NELL2: variants seen among roughly 807,000 people sequenced by gnomAD.
NELL2 encodes the protein protein kinase C-binding protein NELL2.
In NELL2, 41 loss-of-function variants were observed where a neutral mutation model predicts 109.6. The ratio of observed to expected loss-of-function variants is 0.37; its 90% CI spans 0.29 to 0.49. NELL2 has a LOEUF of 0.49. Among genes scored for constraint, NELL2 ranks in the 20% least tolerant of loss-of-function variants. The pLI is 0.98. For synonymous variants in NELL2, 355 were observed against 344.7 expected (o/e 1.03, Z -0.33); for missense variants, 900 against 1,008.3 (o/e 0.89, Z 1.45).
chr12:44,712,531 G>T (rs1391479799), intron 10 of NELL2, among the ~76,000 whole-genome samples: 1 of 151,962 alleles, frequency 6.6e-6, no homozygotes, highest in Admixed American at 6.6e-5. Context: ...GACAATAAAA[G>T]AACAAACAGG....
intron 9 of NELL2, among the ~76,000 whole-genome samples, chr12:44,719,059 C>T (rs1938633482): frequency 6.6e-6 from 1 of 152,108 alleles, no homozygotes; most frequent in South Asian, 2.1e-4. Flanking sequence ...TAGTCACTAG[C>T]ATCATAATTA....
intron 13 of NELL2, among the ~76,000 whole-genome samples, chr12:44,629,329 C>T (rs1339398529): frequency 3.3e-5 from 5 of 152,012 alleles, no homozygotes; most frequent in Admixed American, 6.6e-5. Context: ...AAACATTTTT[C>T]CTATTGATAG....
intron 15 of NELL2, among the ~76,000 whole-genome samples, chr12:44,587,284 AATAT>A (rs1555180982): frequency 1.4e-5 from 1 of 72,214 alleles, no homozygotes; most frequent in African/African-American, 5.1e-5. Flanking sequence ...AAAAAAAAAA[AATAT>A]ATATATATAT....
intron 15 of NELL2, among the ~76,000 whole-genome samples, chr12:44,541,543 G>A (rs1942572175): frequency 6.6e-6 from 1 of 151,896 alleles, no homozygotes; most frequent in Non-Finnish European, 1.5e-5. Flanking sequence ...AAAAGCAAAA[G>A]CAAACAAAGC....
chr12:44,716,768 C>T (rs1174159778), intron 9 of NELL2, among the ~76,000 whole-genome samples: 2 of 151,734 alleles, frequency 1.3e-5, no homozygotes, highest in Non-Finnish European at 2.9e-5. Context: ...CAAGTCCAAG[C>T]GTATGTGGAA....
chr12:44,920,096 A>G (rs1429225655), intron 1 of NELL2, among the ~76,000 whole-genome samples: 1 of 152,218 alleles, frequency 6.6e-6, no homozygotes, highest in Non-Finnish European at 1.5e-5. Context: ...AGAGAAAAAA[A>G]GAATAATTTG....
At chr12:44,853,859 CCAAA>C (rs1944599847) in intron 2 of NELL2, among the ~76,000 whole-genome samples, 1 of 152,154 alleles carries the variant, frequency 6.6e-6, no homozygotes, top group Non-Finnish European at 1.5e-5. Context: ...ATGTCCTCCT[CCAAA>C]CAAAGTCAAC....
intron 15 of NELL2, among the ~76,000 whole-genome samples, chr12:44,586,057 T>C (rs1250969058): frequency 1.3e-5 from 2 of 151,850 alleles, no homozygotes; most frequent in Non-Finnish European, 2.9e-5. Flanking sequence ...TATTTACTAC[T>C]TACTACAAGA....
chr12:44,674,091 T>C (rs1156657092), intron 12 of NELL2, among the ~76,000 whole-genome samples: 1 of 152,100 alleles, frequency 6.6e-6, no homozygotes, highest in Non-Finnish European at 1.5e-5. Flanking sequence ...AACAGAAACA[T>C]ATACATTGTG....
intron 1 of NELL2, among the ~76,000 whole-genome samples, chr12:44,900,142 G>T (rs1288907782): frequency 6.6e-6 from 1 of 152,114 alleles, no homozygotes; most frequent in Non-Finnish European, 1.5e-5. Context: ...AAGAGACTTA[G>T]ACTCCCACAC....
intron 9 of NELL2, among the ~76,000 whole-genome samples, chr12:44,745,339 A>G (rs1940275126): frequency 6.6e-6 from 1 of 152,190 alleles, no homozygotes; most frequent in African/African-American, 2.4e-5. Context: ...CCCACAGCCA[A>G]TATCATACTG....
At chr12:44,569,295 T>A (rs2136193199) in intron 15 of NELL2, among the ~76,000 whole-genome samples, 1 of 152,294 alleles carries the variant, frequency 6.6e-6, no homozygotes, top group African/African-American at 2.4e-5. Flanking sequence ...AATGAGTATT[T>A]AGGTTGATTC....
chr12:44,872,194 A>T (rs1401360381), intron 2 of NELL2, among the ~76,000 whole-genome samples: 1 of 152,096 alleles, frequency 6.6e-6, no homozygotes, highest in Non-Finnish European at 1.5e-5. Flanking sequence ...CACTCCTCTA[A>T]TTTTTAAAAG....
chr12:44,540,414 C>G (rs1942500780), intron 15 of NELL2, among the ~76,000 whole-genome samples: 1 of 152,036 alleles, frequency 6.6e-6, no homozygotes, highest in Non-Finnish European at 1.5e-5. Context: ...TGGCTGATTA[C>G]TAATAATTAT....
chr12:44,818,012 C>A (rs1943409778), intron 2 of NELL2, among the ~76,000 whole-genome samples: 1 of 152,188 alleles, frequency 6.6e-6, no homozygotes, highest in Admixed American at 6.5e-5. Flanking sequence ...AAAAGAAACT[C>A]TCCTGTTGCC....
intron 9 of NELL2, among the ~76,000 whole-genome samples, chr12:44,741,483 C>T (rs944129926): frequency 1.1e-4 from 16 of 152,128 alleles, no homozygotes; most frequent in Non-Finnish European, 1.8e-4. Context: ...GTGCACCGGG[C>T]GTGAGCCAAA....
intron 9 of NELL2, among the ~76,000 whole-genome samples, chr12:44,724,055 T>C (rs190310280): frequency 3.3e-5 from 5 of 151,984 alleles, no homozygotes; most frequent in Non-Finnish European, 7.4e-5. Context: ...TGGAATACTA[T>C]GCAGCCATAA....
chr12:44,549,015 C>T (rs1942919169), intron 15 of NELL2, among the ~76,000 whole-genome samples: 1 of 152,160 alleles, frequency 6.6e-6, no homozygotes, highest in Non-Finnish European at 1.5e-5. Flanking sequence ...AAGAAATTCA[C>T]TTAACTAGGA....
chr12:44,614,565 TAC>T, intron 13 of NELL2, among the ~76,000 whole-genome samples: 1 of 152,154 alleles, frequency 6.6e-6, no homozygotes, highest in East Asian at 1.9e-4. Context: ...AGTAATAATA[TAC>T]ACAGTTGGAT....
Sources: allele counts gnomAD v4.1 joint callset (sites outside exome capture counted in the v4.1 genomes callset), GRCh38; gene constraint gnomAD v4.1.1; transcripts MANE v1.5; gene names NCBI Gene and HGNC (gene_info 2026-07-23, HGNC 2026-07-21).